The following NCAPH2 variants were observed in gnomAD, a reference collection of about 807,000 sequenced individuals.
The protein encoded by NCAPH2 is non-SMC condensin II complex subunit H2.
NCAPH2 carries 56 observed loss-of-function variants against 88.6 expected under a neutral mutation model. The observed-to-expected ratio is 0.63, with a 90% confidence interval of 0.51 to 0.79. The LOEUF is 0.79. NCAPH2 is among the 30% of genes least tolerant of loss of function. NCAPH2 has a pLI of 0.00. For missense variants in NCAPH2, 794 were observed against 792.0 expected, an observed-to-expected ratio of 1.00 and a Z score of -0.03; for synonymous variants, 378 against 313.6, an observed-to-expected ratio of 1.21 and a Z score of -2.17.
rs772938145 is a variant in NCAPH2, at chr22:50,517,473, C to T, written c.257C>T (p.Ser86Phe). The change falls in exon 3 of 20, where the codon TCT becomes TTT. Residue 86 changes from serine to phenylalanine, a missense_variant. Around this residue, in one of 2 missense-constraint regions of NCAPH2, gnomAD observed 735 missense variants for 696.3 expected, o/e 1.06. Coordinates refer to ENST00000420993, the MANE Select transcript of NCAPH2 (RefSeq NM_152299.4). ...SLVYQALDFI[S>F]GKRRAKQLSS... ...GTCTACCAGGCCCTTGATTTCATCT[C>T]TGGAAAGAGGTGAGTTCTGCAGCCA... 1.2e-6 allele frequency: 2 copies of T among 1,614,080 alleles called. No individual in the cohort carries two copies. Among genetic ancestry groups the T allele is most frequent in the Non-Finnish European group, 8.5e-7 (1 of 1,180,036 alleles).
At chr22:50,516,300 A>G (rs2068920596) in intron 1 of NCAPH2, 147 bp from the exon 2 acceptor site, 14 of 665,682 alleles carry the variant, frequency 2.1e-5, no homozygotes, top group South Asian at 2.0e-4. Context: ...CCGAAATACC[A>G]GGGACAACCG....
intron 9 of NCAPH2, chr22:50,520,745 A>G (rs2069064047): frequency 1.4e-5 from 7 of 503,930 alleles, no homozygotes; most frequent in Non-Finnish European, 2.1e-5. Context: ...CATTTTTAGT[A>G]GAGGCGGGGG....
At chr22:50,516,425 G>T (rs756995879) in intron 1 of NCAPH2, 22 bp from the exon 2 acceptor site, 15 of 1,612,854 alleles carry the variant, frequency 9.3e-6, no homozygotes, top group Non-Finnish European at 1.3e-5. Context: ...GATTCCCCCT[G>T]TCTTTGTGTT....
At chr22:50,512,202 G>A (rs191151459) in intron 1 of NCAPH2, among the ~76,000 whole-genome samples, 15 of 152,350 alleles carry the variant, frequency 9.8e-5, no homozygotes, top group Admixed American at 9.8e-4. Context: ...TAGAGTGCCT[G>A]GCACATAGGT....
In NCAPH2 at chr22:50,523,635, C is replaced by A; in HGVS notation, c.*260C>A. 1 of 1,613,732 alleles carries A rather than the reference C, an allele frequency of 6.2e-7. No homozygotes were observed. The highest frequency in any genetic ancestry group is 8.5e-7 in the Non-Finnish European group (1 of 1,180,038). On this transcript the variant is annotated 3_prime_UTR_variant, in exon 20 of 20. Transcript: ENST00000420993. Reference sequence around the variant, plus strand: ...CTCAAGACAGGACACTGCGGAAAGCCGCCATGTGCCGCCGCACACTGTCTG... The same window carrying A: ...CTCAAGACAGGACACTGCGGAAAGCAGCCATGTGCCGCCGCACACTGTCTG...
chr22:50,516,482 G>C lies in NCAPH2; in HGVS notation c.144G>C (p.Lys48Asn), dbSNP rs770066460. 2 of 1,614,206 alleles carry C rather than the reference G, an allele frequency of 1.2e-6. No individual in the cohort carries two copies. Among genetic ancestry groups the C allele is most frequent in the East Asian group, 4.5e-5 (2 of 44,880 alleles). The change falls in exon 2 of 20, where the codon AAG becomes AAC. Residue 48 changes from lysine to asparagine, a missense_variant. By Grantham distance (94) the Lys-to-Asn change is moderately conservative. Around this residue, in one of 2 missense-constraint regions of NCAPH2, gnomAD observed 59 missense variants for 95.7 expected, o/e 0.62. Coordinates refer to ENST00000420993, the MANE Select transcript of NCAPH2 (RefSeq NM_152299.4). ...DQICISFDEG[K>N]TTMNFIEAAL... ...TCTGCATTTCTTTTGACGAAGGCAA[G>C]ACCACAATGAACTTCATTGAGGCAG...
chr22:50,518,221 G>A lies in NCAPH2; in HGVS notation c.589G>A (p.Glu197Lys). 6.2e-7 allele frequency: 1 copy of A among 1,614,030 alleles called. No homozygotes were observed. Among genetic ancestry groups the A allele is most frequent in the Non-Finnish European group, 8.5e-7 (1 of 1,180,026 alleles). Residue 197 changes from glutamate to lysine, a missense_variant, in exon 7 of 20, where the codon GAG becomes AAG. By Grantham distance (56) the Glu-to-Lys change is moderately conservative (BLOSUM62 1). This residue lies in a region of NCAPH2 where 735 missense variants were observed against 696.3 expected (regional missense o/e 1.06). Coordinates refer to ENST00000420993, the MANE Select transcript of NCAPH2 (RefSeq NM_152299.4). The part of the protein sequence containing the change: ...HPRGAFMLEP[E>K]GMSPMEPAGV... ...CAGAGGGGCCTTCATGTTGGAGCCA[G>A]AGGGCATGTCCCCCATGGAACCAGC... is the stretch of plus-strand genomic sequence containing the variant.
chr22:50,517,912 G>A (rs1421187621), intron 5 of NCAPH2, 61 bp from the exon 6 acceptor site: 71 of 1,603,010 alleles, frequency 4.4e-5, no homozygotes, highest in Non-Finnish European at 3.2e-5. Context: ...GCCCCATGTG[G>A]GTCCTGTTCT....
rs1011393334 is a variant in NCAPH2 at position 50,523,573 on chromosome 22, C to T, written c.*198C>T. 6.2e-6 allele frequency: 10 copies of T among 1,607,456 alleles called. No homozygotes were observed. Among genetic ancestry groups the T allele is most frequent in the Admixed American group, 1.7e-5 (1 of 59,542 alleles). ...AGATCACACACACACACAGATTAAA[C>T]GCAGCCCGTTTAATGATGGGGCCCA... On this transcript the variant is annotated 3_prime_UTR_variant, in exon 20 of 20. Transcript: ENST00000420993.
intron 9 of NCAPH2, chr22:50,519,722 CT>C: frequency 9.6e-7 from 1 of 1,043,884 alleles, no homozygotes; most frequent in Non-Finnish European, 1.2e-6. Flanking sequence ...GAAATCCTTC[CT>C]TTTTATTCAT....
At position 50,522,863 on chromosome 22, in the gene NCAPH2, GAGC is replaced by G; in HGVS notation, c.1469_1471del (p.Glu490_Leu491delinsVal). On this transcript the variant is annotated inframe_deletion, in exon 18 of 20. Coordinates refer to ENST00000420993, the MANE Select transcript of NCAPH2 (RefSeq NM_152299.4). The stretch of plus-strand genomic sequence containing the variant: ...CTCCCAGAAGTTTGTCCAGGAGACA[GAGC>G]TGAGCCAGCGCATCAGGGACTGGGA... 1 of 1,613,484 alleles carries G rather than the reference GAGC, an allele frequency of 6.2e-7. No homozygotes were observed. The highest frequency in any genetic ancestry group is 8.5e-7 in the Non-Finnish European group (1 of 1,179,974).
rs756580538 is a variant in NCAPH2 at position 50,522,418 on chromosome 22, G to C, written c.1306+3G>C. 8.1e-6 allele frequency: 13 copies of C among 1,611,448 alleles called. No homozygotes were observed. The African/African-American group carries it at 1.6e-4, about 20-fold the overall frequency. ...CCTGGAAGACCTGGGGGCAGCAGGTGGGTGCCTGCCAGGGGGTGGGGTGGG... is the reference window on the plus strand; with the variant it reads ...CCTGGAAGACCTGGGGGCAGCAGGTCGGTGCCTGCCAGGGGGTGGGGTGGG... On this transcript the variant is annotated splice_donor_region_variant and intron_variant, in intron 15 of 19. Coordinates refer to ENST00000420993, the MANE Select transcript of NCAPH2 (RefSeq NM_152299.4).
rs117369815 is a variant in NCAPH2, at chr22:50,524,625, T to C, written c.*1250T>C. 4.8e-5 allele frequency: 34 copies of C among 706,700 alleles called. No homozygotes were observed. The allele number at this position is 706,700 out of a possible 1,614,324, so 43.8% of individuals were successfully genotyped here. A position where few individuals can be genotyped will look rare whatever the true frequency, so the allele number is the denominator to read the frequency against. On this transcript the variant is annotated 3_prime_UTR_variant, in exon 20 of 20. Coordinates refer to ENST00000420993, the MANE Select transcript of NCAPH2 (RefSeq NM_152299.4). ...CCTGGGCAACCACACCTGTCACTCCTGTCCTCTACCTGGGATCACCAGCCT... is the reference window on the plus strand; with the variant it reads ...CCTGGGCAACCACACCTGTCACTCCCGTCCTCTACCTGGGATCACCAGCCT...
At chr22:50,518,556 C>T in intron 7 of NCAPH2, 93 bp from the exon 8 acceptor site, 2 of 1,317,416 alleles carry the variant, frequency 1.5e-6, no homozygotes, top group South Asian at 2.8e-5. Context: ...CTCTGCCCTC[C>T]TGCTGGCCCC....
At chr22:50,522,288 G>C (rs780719484) in intron 14 of NCAPH2, 37 bp downstream of exon 14, 2 of 1,609,160 alleles carry the variant, frequency 1.2e-6, no homozygotes, top group Non-Finnish European at 1.7e-6. Flanking sequence ...CTAGGACCCC[G>C]TGGTGGCCCT....
chr22:50,521,668 A>C, intron 11 of NCAPH2, 59 bp downstream of exon 11: 1 of 1,482,636 alleles, frequency 6.7e-7, no homozygotes, highest in Non-Finnish European at 9.4e-7. Flanking sequence ...CTGGGGCATG[A>C]GGTGGGGGGG....
rs755754379 is a variant in NCAPH2 at position 50,524,479 on chromosome 22, G to A, written c.*1104G>A. On this transcript the variant is annotated 3_prime_UTR_variant, in exon 20 of 20. Coordinates refer to ENST00000420993, the MANE Select transcript of NCAPH2 (RefSeq NM_152299.4). Reference sequence around the variant, plus strand: ...GAAGGGAAGGCCCAGGACAGTGCCTGGGCTGCCCCTGCGACTTGAGACCAG... The same window carrying A: ...GAAGGGAAGGCCCAGGACAGTGCCTAGGCTGCCCCTGCGACTTGAGACCAG... The A allele has an allele frequency of 1.3e-6, 2 of 1,539,376 alleles. No individual in the cohort carries two copies. Among genetic ancestry groups the A allele is most frequent in the Non-Finnish European group, 1.8e-6 (2 of 1,122,362 alleles).
intron 9 of NCAPH2, chr22:50,520,763 A>G (rs2069064968): frequency 1.3e-5 from 7 of 544,288 alleles, no homozygotes; most frequent in Admixed American, 3.4e-5. Flanking sequence ...GGGTTTCACC[A>G]TGTTGGCCAG....
chr22:50,513,134 G>C (rs2068829937), intron 1 of NCAPH2, among the ~76,000 whole-genome samples: 1 of 152,238 alleles, frequency 6.6e-6, no homozygotes, highest in Non-Finnish European at 1.5e-5. Context: ...CAAAAACCTT[G>C]TTAGTAGAGG....
Sources: allele counts gnomAD v4.1 joint callset (sites outside exome capture counted in the v4.1 genomes callset), GRCh38; gene constraint gnomAD v4.1.1; regional missense constraint gnomAD v4.1.1; transcripts MANE v1.5; gene names NCBI Gene and HGNC (gene_info 2026-07-23, HGNC 2026-07-21).